Variants in KNDC1 observed in about 807,000 individuals in gnomAD.
KNDC1 encodes the protein kinase non-catalytic C-lobe domain containing 1, also known as kinase non-catalytic C-lobe domain-containing protein 1.
KNDC1 carries 106 observed loss-of-function variants against 172.8 expected under a neutral mutation model. That is an observed-to-expected ratio of 0.61 (90% CI 0.52 to 0.72). The LOEUF (loss-of-function observed/expected upper bound fraction) is 0.72. Among genes scored for constraint, KNDC1 ranks in the 30% least tolerant of loss-of-function variants. The pLI, the probability that KNDC1 is intolerant of heterozygous loss-of-function variation, is 0.00. For synonymous variants in KNDC1, 1,083 were observed against 1,062.2 expected, an observed-to-expected ratio of 1.02 and a Z score of -0.38; for missense variants, 2,325 against 2,394.5, an observed-to-expected ratio of 0.97 and a Z score of 0.61.
chr10:133,211,897 C>A, intron 23 of KNDC1, 39 bp downstream of exon 23: 2 of 1,566,770 alleles, frequency 1.3e-6, no homozygotes, highest in African/African-American at 1.4e-5. Context: ...CCTGGACAGG[C>A]GGATGTGGGT....
At chr10:133,178,085 G>GGT (rs1315062588) in intron 3 of KNDC1, among the ~76,000 whole-genome samples, 4 of 149,670 alleles carry the variant, frequency 2.7e-5, no homozygotes, top group Admixed American at 6.6e-5. Flanking sequence ...TGTGCAGTTT[G>GGT]GTGTGTGTGC....
At chr10:133,165,371 G>A (rs1217001571) in intron 1 of KNDC1, among the ~76,000 whole-genome samples, 3 of 152,184 alleles carry the variant, frequency 2.0e-5, no homozygotes, top group East Asian at 1.9e-4. Context: ...CTGCTGGCAC[G>A]GCTGACCTGG....
intron 17 of KNDC1, chr10:133,202,204 G>A (rs1247157081): frequency 4.5e-6 from 3 of 659,810 alleles, no homozygotes; most frequent in Non-Finnish European, 8.4e-6. Flanking sequence ...CCATGCTCGT[G>A]ACCAGGTTGC....
At chr10:133,214,865 C>A (rs1045964524) in intron 26 of KNDC1, among the ~76,000 whole-genome samples, 1 of 152,214 alleles carries the variant, frequency 6.6e-6, no homozygotes, top group Non-Finnish European at 1.5e-5. Flanking sequence ...AGAGTCACTG[C>A]CTCGACCAGC....
At chr10:133,187,294 G>A (rs1213893791) in intron 6 of KNDC1, among the ~76,000 whole-genome samples, 1 of 152,238 alleles carries the variant, frequency 6.6e-6, no homozygotes, top group Non-Finnish European at 1.5e-5. Flanking sequence ...GGAGGATGCT[G>A]TTGGAGCCAG....
At chr10:133,218,090 G>A (rs900990560) in intron 26 of KNDC1, among the ~76,000 whole-genome samples, 4 of 152,000 alleles carry the variant, frequency 2.6e-5, no homozygotes, top group Admixed American at 2.6e-4. Context: ...TCGATCCGGG[G>A]CATGGCGTCC....
chr10:133,196,650 A>T (rs1854199470), intron 10 of KNDC1, among the ~76,000 whole-genome samples: 1 of 152,202 alleles, frequency 6.6e-6, no homozygotes. Context: ...AGCAGATTTT[A>T]TTCAGTAACT....
At chr10:133,217,574 A>T (rs1050287648) in intron 26 of KNDC1, among the ~76,000 whole-genome samples, 1 of 151,810 alleles carries the variant, frequency 6.6e-6, no homozygotes, top group Non-Finnish European at 1.5e-5. Context: ...TACAAAAATT[A>T]TCACGCCTGT....
At position 133,160,382 on chromosome 10, in the gene KNDC1, C is replaced by T. The variant is rs538969130; in HGVS notation, c.-86C>T. 6 of 640,238 alleles carry T rather than the reference C, an allele frequency of 9.4e-6. No individual in the cohort carries two copies. Among genetic ancestry groups the T allele is most frequent in the Non-Finnish European group, 1.1e-5 (5 of 464,730 alleles). 39.7% of individuals were successfully genotyped at this position (640,238 alleles called of 1,614,324 possible). ...GGCGGGGGCGGGCGAGGGCCGGGCG[C>T]GTCTCCATGGAGCCAGGGCGCGCGT... On this transcript the variant is annotated 5_prime_UTR_variant, in exon 1 of 30. Transcript: ENST00000304613.
At chr10:133,167,148 C>T (rs1853189593) in intron 1 of KNDC1, 1 of 568,488 alleles carries the variant, frequency 1.8e-6, no homozygotes, top group Non-Finnish European at 3.1e-6. Flanking sequence ...GGAGCCGACA[C>T]CTGCTCTGGG....
rs755628648 is a variant in KNDC1, at chr10:133,183,333, C to T, written c.361-11C>T. ...AGAGACTCTGGAGCTGACAGCCTGT[C>T]GTGCCCACAGGCGCACATCTACTCT... is the stretch of plus-strand genomic sequence containing the variant. On this transcript the variant is annotated splice_polypyrimidine_tract_variant and intron_variant, in intron 3 of 29. Coordinates refer to ENST00000304613, the MANE Select transcript of KNDC1 (RefSeq NM_152643.8). The T allele has an allele frequency of 1.2e-5, 19 of 1,582,868 alleles. No individual in the cohort carries two copies. The Admixed American group carries it at 3.0e-4, about 25-fold the overall frequency.
At chr10:133,192,344 T>G (rs557290010) in intron 9 of KNDC1, among the ~76,000 whole-genome samples, 72 of 152,294 alleles carry the variant, frequency 4.7e-4, no homozygotes, top group African/African-American at 1.7e-3. Flanking sequence ...GAAATAAGGC[T>G]GCACGCCTAC....
In KNDC1 at chr10:133,199,196, C is replaced by G. The variant is rs1345554899; in HGVS notation, c.2688C>G (p.Ala896=). ...CGGCCTGCCCGTCGCTGCAGGAGGCCACGCGCCTCATCCAGGAGGAATTTG... is the reference window on the plus strand; with the variant it reads ...CGGCCTGCCCGTCGCTGCAGGAGGCGACGCGCCTCATCCAGGAGGAATTTG... ...GRTACPSLQE[A]TRLIQEEFAF... Residue 896 remains alanine, a synonymous_variant, in exon 14 of 30, where the codon GCC becomes GCG. Coordinates refer to ENST00000304613, the MANE Select transcript of KNDC1 (RefSeq NM_152643.8). 6.3e-7 allele frequency: 1 copy of G among 1,584,704 alleles called. No homozygotes were observed. The highest frequency in any genetic ancestry group is 2.3e-5 in the East Asian group (1 of 43,334).
chr10:133,167,595 C>CGGT lies in KNDC1; in HGVS notation c.301+19_301+21dup, dbSNP rs1043697069. 6.4e-7 allele frequency: 1 copy of CGGT among 1,563,314 alleles called. No homozygotes were observed. Among genetic ancestry groups the CGGT allele is most frequent in the Non-Finnish European group, 8.7e-7 (1 of 1,154,832 alleles). ...CAGCTCAGCGGTGAGGCGGCGGTGG[C>CGGT]GGTGGCGGCGGCGGCGGGCACGCGG... On this transcript the variant is annotated intron_variant, in intron 2 of 29. Transcript: ENST00000304613.
intron 3 of KNDC1, among the ~76,000 whole-genome samples, chr10:133,177,151 G>A (rs1564878073): frequency 6.8e-6 from 1 of 147,432 alleles, no homozygotes; most frequent in Admixed American, 7.0e-5. Context: ...TTGTGTGTCT[G>A]TGTCTCTGTG....
At chr10:133,202,158 A>G in intron 17 of KNDC1, 1 of 692,474 alleles carries the variant, frequency 1.4e-6, no homozygotes, top group Non-Finnish European at 2.6e-6. Flanking sequence ...CTTTTCTCTC[A>G]TGGTCGCCCG....
intron 3 of KNDC1, among the ~76,000 whole-genome samples, chr10:133,178,154 C>A (rs1238296985): frequency 2.1e-5 from 3 of 146,242 alleles, no homozygotes; most frequent in Non-Finnish European, 4.5e-5. Context: ...GTGTCACGGG[C>A]ACACGAGTGT....
chr10:133,182,076 TG>T (rs1210880215), intron 3 of KNDC1, among the ~76,000 whole-genome samples: 6 of 152,168 alleles, frequency 3.9e-5, no homozygotes, highest in Admixed American at 3.9e-4. Flanking sequence ...GGGATCTGGC[TG>T]GGTCCCTGCA....
At chr10:133,185,810 T>C (rs1199950717) in intron 5 of KNDC1, among the ~76,000 whole-genome samples, 164 bp from the exon 6 acceptor site, 2 of 65,034 alleles carry the variant, frequency 3.1e-5, no homozygotes, top group Non-Finnish European at 6.8e-5. Context: ...AGAGCCTGGG[T>C]TGGGGTCTGT....
Sources: allele counts gnomAD v4.1 joint callset (sites outside exome capture counted in the v4.1 genomes callset), GRCh38; gene constraint gnomAD v4.1.1; transcripts MANE v1.5; gene names NCBI Gene and HGNC (gene_info 2026-07-23, HGNC 2026-07-21).